Variants in IL1RAPL2 observed in about 807,000 individuals in gnomAD.
IL1RAPL2 encodes interleukin 1 receptor accessory protein like 2.
IL1RAPL2 carries 3 observed loss-of-function variants against 44.1 expected under a neutral mutation model. The ratio of observed to expected loss-of-function variants is 0.07; its 90% CI spans 0.03 to 0.18. The LOEUF is 0.18. IL1RAPL2 is among the 10% of genes least tolerant of loss of function. The pLI is 1.00. For synonymous variants in IL1RAPL2, 181 were observed against 178.8 expected (o/e 1.01, Z -0.10); for missense variants, 391 against 496.4 (o/e 0.79, Z 2.02).
chrX:105,582,785 G>T (rs73636258), intron 6 of IL1RAPL2, among the ~76,000 whole-genome samples: 1 of 109,687 alleles, frequency 9.1e-6, no homozygotes, highest in African/African-American at 3.3e-5. Context: ...TTCTTATAGT[G>T]AATTTCTTAT....
chrX:104,783,074 A>T (rs929872758), intron 2 of IL1RAPL2, among the ~76,000 whole-genome samples: 1 of 112,112 alleles, frequency 8.9e-6, no homozygotes, highest in Admixed American at 9.5e-5. Context: ...TCTTTAAGGG[A>T]ATTTTTAAAA....
intron 5 of IL1RAPL2, among the ~76,000 whole-genome samples, chrX:105,323,067 A>G (rs960529557): frequency 7.1e-5 from 8 of 112,027 alleles, no homozygotes; most frequent in African/African-American, 2.3e-4. Context: ...ATTAAGAACC[A>G]CTGATGGACC....
At chrX:104,631,577 C>T (rs1474998355) in intron 1 of IL1RAPL2, among the ~76,000 whole-genome samples, 1 of 112,035 alleles carries the variant, frequency 8.9e-6, no homozygotes, top group Non-Finnish European at 1.9e-5. Context: ...ATTTACATTT[C>T]TCTGATGGCC....
chrX:105,483,955 A>G (rs931028165), intron 5 of IL1RAPL2, among the ~76,000 whole-genome samples: 4 of 111,727 alleles, frequency 3.6e-5, no homozygotes, highest in African/African-American at 6.5e-5. Context: ...TTCATTGAGA[A>G]TACCACTACA....
chrX:105,095,450 A>G (rs1329442555), intron 2 of IL1RAPL2, among the ~76,000 whole-genome samples: 1 of 111,862 alleles, frequency 8.9e-6, no homozygotes, highest in Non-Finnish European at 1.9e-5. Context: ...TTTTATTAAT[A>G]TTACAAAGCT....
intron 5 of IL1RAPL2, among the ~76,000 whole-genome samples, chrX:105,368,121 A>G (rs2035309564): frequency 9.0e-6 from 1 of 111,010 alleles, no homozygotes; most frequent in Non-Finnish European, 1.9e-5. Flanking sequence ...TCGTGGGGAC[A>G]CATCCCTCTT....
chrX:105,332,950 C>A (rs768821172), intron 5 of IL1RAPL2, among the ~76,000 whole-genome samples: 7 of 111,411 alleles, frequency 6.3e-5, no homozygotes, highest in African/African-American at 2.3e-4. Context: ...TCAAAGCAAT[C>A]TACAGATTCA....
chrX:104,862,571 T>A (rs1602765482), intron 2 of IL1RAPL2, among the ~76,000 whole-genome samples: 1 of 110,692 alleles, frequency 9.0e-6, no homozygotes, highest in African/African-American at 3.3e-5. Context: ...AAGAAACCAA[T>A]CCTGTGGACA....
intron 2 of IL1RAPL2, among the ~76,000 whole-genome samples, chrX:104,915,709 G>A (rs866219322): frequency 9.0e-6 from 1 of 111,491 alleles, no homozygotes; most frequent in South Asian, 3.7e-4. Context: ...TAGGTCTCAC[G>A]TTTAAGTGTT....
chrX:104,700,036 T>A (rs1931249610), intron 2 of IL1RAPL2, among the ~76,000 whole-genome samples: 1 of 111,968 alleles, frequency 8.9e-6, no homozygotes, highest in Non-Finnish European at 1.9e-5. Context: ...GAAAACGCAG[T>A]CCCTGATTGG....
chrX:105,368,869 CT>C (rs1437210538), intron 5 of IL1RAPL2, among the ~76,000 whole-genome samples: 4 of 109,797 alleles, frequency 3.6e-5, no homozygotes, highest in Non-Finnish European at 7.6e-5. Context: ...TGTCTTTAAT[CT>C]TTTTTATTCT....
At chrX:105,704,761 C>T (rs750996054) in intron 6 of IL1RAPL2, among the ~76,000 whole-genome samples, 20 of 110,935 alleles carry the variant, frequency 1.8e-4, no homozygotes, top group African/African-American at 6.2e-4. Flanking sequence ...AGCTATTTTT[C>T]CTAATGTTCT....
intron 5 of IL1RAPL2, among the ~76,000 whole-genome samples, chrX:105,364,523 T>C (rs1348367952): frequency 2.7e-5 from 3 of 111,267 alleles, no homozygotes; most frequent in Non-Finnish European, 5.7e-5. Flanking sequence ...ATTACAGGTG[T>C]TTTAATAATA....
chrX:105,302,873 G>A (rs1349369391), intron 5 of IL1RAPL2, among the ~76,000 whole-genome samples: 1 of 112,134 alleles, frequency 8.9e-6, no homozygotes, highest in Non-Finnish European at 1.9e-5. Context: ...TTGTACCCCA[G>A]AGCACTTTAG....
At chrX:105,300,902 T>C (rs1347469116) in intron 5 of IL1RAPL2, among the ~76,000 whole-genome samples, 1 of 111,823 alleles carries the variant, frequency 8.9e-6, no homozygotes, top group Non-Finnish European at 1.9e-5. Context: ...CAAAGTATGC[T>C]TGCAGTTACT....
rs1307040246 is a variant in IL1RAPL2 at position 105,032,936 on chromosome X, ATAGT to A, written c.83-162533_83-162530del. Among the ~76,000 whole-genome samples, 5 of 111,553 alleles carry A rather than the reference ATAGT, an allele frequency of 4.5e-5. No homozygotes were observed. In the South Asian group the frequency reaches 1.9e-3, roughly 42 times the overall value. The stretch of plus-strand genomic sequence containing the variant: ...AGTATTGGGTGCATATATATTTAGG[ATAGT>A]TAGTTCTTCTTGTTGAATTGATCCC... On this transcript the variant is annotated intron_variant, in intron 2 of 10. Coordinates refer to ENST00000372582, the MANE Select transcript of IL1RAPL2 (RefSeq NM_017416.2).
intron 1 of IL1RAPL2, among the ~76,000 whole-genome samples, chrX:104,631,409 G>A (rs1160779226): frequency 1.8e-5 from 2 of 111,702 alleles, no homozygotes; most frequent in Non-Finnish European, 3.8e-5. Flanking sequence ...CTGAGGAATC[G>A]CCACACTGAC....
intron 6 of IL1RAPL2, among the ~76,000 whole-genome samples, chrX:105,590,251 T>G (rs763663393): frequency 3.6e-5 from 4 of 111,899 alleles, no homozygotes; most frequent in Non-Finnish European, 7.5e-5. Context: ...TGTTGTTGTT[T>G]TTTTATGAAA....
intron 6 of IL1RAPL2, among the ~76,000 whole-genome samples, chrX:105,605,184 T>C (rs1357778149): frequency 9.0e-6 from 1 of 111,201 alleles, no homozygotes; most frequent in African/African-American, 3.3e-5. Flanking sequence ...TGACATGATC[T>C]TATACATATA....
Sources: allele counts gnomAD v4.1 joint callset (sites outside exome capture counted in the v4.1 genomes callset), GRCh38; gene constraint gnomAD v4.1.1; transcripts MANE v1.5; gene names NCBI Gene and HGNC (gene_info 2026-07-23, HGNC 2026-07-21).